The following MGAT4A variants were observed in gnomAD, a reference collection of about 807,000 sequenced individuals.
The protein encoded by MGAT4A is N-acetylglucosaminyltransferase IVa.
In MGAT4A, 33 loss-of-function variants were observed where a neutral mutation model predicts 74.1. The ratio of observed to expected loss-of-function variants is 0.45; its 90% CI spans 0.34 to 0.60. MGAT4A has a LOEUF of 0.60. MGAT4A is among the 20% of genes least tolerant of loss of function. MGAT4A has a pLI of 0.02. For missense variants in MGAT4A, 479 were observed against 628.3 expected, an observed-to-expected ratio of 0.76 and a Z score of 2.54; for synonymous variants, 198 against 210.4, an observed-to-expected ratio of 0.94 and a Z score of 0.51.
At chr2:98,639,705 T>C (rs1701376875) in intron 12 of MGAT4A, 103 bp downstream of exon 12, 1 of 1,010,396 alleles carries the variant, frequency 9.9e-7, no homozygotes, top group Admixed American at 2.9e-5. Context: ...GGCCCCACTG[T>C]GTCCCCACAT....
intron 2 of MGAT4A, among the ~76,000 whole-genome samples, chr2:98,689,575 A>T (rs908624571): frequency 2.0e-5 from 3 of 152,098 alleles, no homozygotes; most frequent in African/African-American, 4.8e-5. Flanking sequence ...CATAATCCCA[A>T]CACTTTGGAG....
At chr2:98,716,578 TTGCACCAC>T (rs1702594664) in intron 2 of MGAT4A, among the ~76,000 whole-genome samples, 1 of 152,186 alleles carries the variant, frequency 6.6e-6, no homozygotes, top group Non-Finnish European at 1.5e-5. Context: ...AGATTGTCGA[TTGCACCAC>T]TGCACTCCAG....
At chr2:98,692,565 T>C (rs1170915915) in intron 2 of MGAT4A, among the ~76,000 whole-genome samples, 1 of 152,242 alleles carries the variant, frequency 6.6e-6, no homozygotes, top group Non-Finnish European at 1.5e-5. Context: ...GAGCAACTTC[T>C]ACTCCTGCAA....
At chr2:98,658,286 T>TAAAAA (rs747778750) in intron 5 of MGAT4A, 22 bp from the exon 6 acceptor site, 1 of 1,465,094 alleles carries the variant, frequency 6.8e-7, no homozygotes, top group Non-Finnish European at 9.3e-7. Flanking sequence ...AAAAAATGTA[T>TAAAAA]CTATATTCAA....
At chr2:98,712,434 G>A (rs1012169209) in intron 2 of MGAT4A, among the ~76,000 whole-genome samples, 2 of 152,100 alleles carry the variant, frequency 1.3e-5, no homozygotes, top group Admixed American at 6.5e-5. Context: ...CTGCTGACCC[G>A]ACAACTGAAA....
rs1575237080 is a variant in MGAT4A at position 98,624,631 on chromosome 2, C to T, written c.*935G>A. 1.0e-6 allele frequency: 1 copy of T among 984,588 alleles called. No homozygotes were observed. Among genetic ancestry groups the T allele is most frequent in the Non-Finnish European group, 1.2e-6 (1 of 829,204 alleles). The allele number at this position is 984,588 out of a possible 1,614,324, so 61.0% of individuals were successfully genotyped here. On this transcript the variant is annotated 3_prime_UTR_variant, in exon 16 of 16. Transcript: ENST00000393487. Reference sequence around the variant, plus strand: ...ATGAGTGCAGATATAAAAGAATCAACAGCAGATAATGCACCTAATTCATGG... The same window carrying T: ...ATGAGTGCAGATATAAAAGAATCAATAGCAGATAATGCACCTAATTCATGG...
chr2:98,653,013 C>T (rs985999390), intron 8 of MGAT4A, among the ~76,000 whole-genome samples: 1 of 151,304 alleles, frequency 6.6e-6, no homozygotes, highest in African/African-American at 2.4e-5. Context: ...AAAGTAAACC[C>T]AGAAAATACA....
chr2:98,657,519 T>C (rs1274572353), intron 6 of MGAT4A, among the ~76,000 whole-genome samples: 1 of 152,230 alleles, frequency 6.6e-6, no homozygotes, highest in Non-Finnish European at 1.5e-5. Context: ...TGTTTTTAAA[T>C]ATTCAATTTT....
chr2:98,712,304 C>T (rs558992759), intron 2 of MGAT4A, among the ~76,000 whole-genome samples: 22 of 152,302 alleles, frequency 1.4e-4, no homozygotes, highest in African/African-American at 4.3e-4. Context: ...CTGTTTTTAC[C>T]CCAGTGCTAT....
rs1701008224 is a variant in MGAT4A, at chr2:98,619,123, T to A, written c.*6443A>T. ...ACTACTCATTAAGTTTCACCTATTT[T>A]TATTAGAAGGAATCTTGAATTCAAC... On this transcript the variant is annotated 3_prime_UTR_variant, in exon 16 of 16. Coordinates refer to ENST00000393487, the MANE Select transcript of MGAT4A (RefSeq NM_012214.3). 1 of 152,670 alleles carries A rather than the reference T, an allele frequency of 6.6e-6. No individual in the cohort carries two copies. The highest frequency in any genetic ancestry group is 2.4e-5 in the African/African-American group (1 of 41,464). The allele number at this position is 152,670 out of a possible 1,614,324, so 9.5% of individuals were successfully genotyped here.
intron 4 of MGAT4A, among the ~76,000 whole-genome samples, chr2:98,664,758 T>C (rs1701800251): frequency 1.3e-5 from 2 of 152,232 alleles, no homozygotes; most frequent in Non-Finnish European, 2.9e-5. Context: ...ATTAGGTTCT[T>C]ATCCTTTTTT....
intron 8 of MGAT4A, 123 bp from the exon 9 acceptor site, chr2:98,645,665 C>T (rs1183021244): frequency 1.3e-6 from 1 of 748,266 alleles, no homozygotes; most frequent in Middle Eastern, 4.3e-4. Flanking sequence ...ATGGTAAAAA[C>T]AATAAAAATA....
At chr2:98,682,921 C>T (rs1702081778) in intron 2 of MGAT4A, among the ~76,000 whole-genome samples, 1 of 151,820 alleles carries the variant, frequency 6.6e-6, no homozygotes, top group Admixed American at 6.6e-5. Flanking sequence ...CCCGTCTCTA[C>T]TAAAAAAATA....
At position 98,622,967 on chromosome 2, in the gene MGAT4A, ATGAGAGCACCACTG is replaced by A; in HGVS notation, c.*2585_*2598del. 3 of 976,476 alleles carry A rather than the reference ATGAGAGCACCACTG, an allele frequency of 3.1e-6. No individual in the cohort carries two copies. Among genetic ancestry groups the A allele is most frequent in the Non-Finnish European group, 3.7e-6 (3 of 821,724 alleles). 60.5% of individuals were successfully genotyped at this position (976,476 alleles called of 1,614,324 possible). ...CCAGAGATCGAGGCTGCAGTGAGCT[ATGAGAGCACCACTG>A]CACTCCAGCCTGGGCAACAAAGCGA... is the stretch of plus-strand genomic sequence containing the variant. On this transcript the variant is annotated 3_prime_UTR_variant, in exon 16 of 16. Coordinates refer to ENST00000393487, the MANE Select transcript of MGAT4A (RefSeq NM_012214.3).
Position 98,663,126 on chromosome 2 carries a change from T to C in MGAT4A, c.457A>G (p.Ile153Val), listed in dbSNP as rs779135521. Residue 153 changes from isoleucine to valine, a missense_variant, in exon 5 of 16, where the codon ATA (isoleucine) becomes GTA (valine). Transcript: ENST00000393487. The part of the protein sequence containing the change: ...TVKREVKSYL[I>V]ETLHSLIDNL... ...TCAATAAGGGAATGAAGAGTTTCTA[T>C]GAGGTAAGATTTAACTTCTCTCTTC... 1 of 1,604,862 alleles carries C rather than the reference T, an allele frequency of 6.2e-7. No homozygotes were observed. The highest frequency in any genetic ancestry group is 8.5e-7 in the Non-Finnish European group (1 of 1,173,760).
At chr2:98,632,089 G>A (rs909410021) in intron 14 of MGAT4A, among the ~76,000 whole-genome samples, 6 of 151,532 alleles carry the variant, frequency 4.0e-5, no homozygotes, top group African/African-American at 7.3e-5. Flanking sequence ...CAGCCTGGGC[G>A]GCAAAGCGAG....
chr2:98,641,838 T>TA (rs1272863408), intron 10 of MGAT4A, among the ~76,000 whole-genome samples: 2 of 144,802 alleles, frequency 1.4e-5, no homozygotes, highest in Non-Finnish European at 3.0e-5. Flanking sequence ...ACTAAAAATA[T>TA]AAAAATTTGC....
chr2:98,632,988 G>C (rs987470113), intron 14 of MGAT4A, among the ~76,000 whole-genome samples: 2 of 152,160 alleles, frequency 1.3e-5, no homozygotes, highest in African/African-American at 2.4e-5. Context: ...TTGAACTCTT[G>C]AGCTGGTGAT....
At chr2:98,652,903 G>C (rs1701602755) in intron 8 of MGAT4A, among the ~76,000 whole-genome samples, 1 of 152,120 alleles carries the variant, frequency 6.6e-6, no homozygotes, top group African/African-American at 2.4e-5. Flanking sequence ...GGGATTACAG[G>C]TGTGAGCCAG....
Sources: gnomAD v4.1 joint callset for allele counts (sites outside exome capture counted in the v4.1 genomes callset) on GRCh38, gnomAD v4.1.1 for gene constraint, MANE v1.5 for transcripts, NCBI Gene and HGNC (gene_info 2026-07-23, HGNC 2026-07-21) for gene names.